Variants in CLNK observed in about 807,000 individuals in gnomAD.
The protein encoded by CLNK is cytokine dependent hematopoietic cell linker.
Under a neutral mutation model 68.6 loss-of-function variants are expected in CLNK, and 74 were observed. The observed-to-expected ratio is 1.08, with a 90% CI of 0.89 to 1.31. CLNK has a LOEUF of 1.31. CLNK is among the 50% of genes most tolerant of loss of function. The pLI is 0.00. For missense variants in CLNK, 553 were observed against 515.3 expected (o/e 1.07, Z -0.71); for synonymous variants, 198 against 172.2 (o/e 1.15, Z -1.17).
rs1577208343 is a variant in CLNK, at chr4:10,667,893, G to A, written c.-24C>T. 2 of 1,366,054 alleles carry A rather than the reference G, an allele frequency of 1.5e-6. No homozygotes were observed. Among genetic ancestry groups the A allele is most frequent in the East Asian group, 7.6e-5 (2 of 26,318 alleles). The allele number at this position is 1,366,054 out of a possible 1,614,324, so 84.6% of individuals were successfully genotyped here. A position where few individuals can be genotyped will look rare whatever the true frequency, so the allele number is the denominator to read the frequency against. ...ATAGTTCTTGGCACCTGGCGGGTAA[G>A]AGGGATCTTCAATTCAGCCTGTGGA... On this transcript the variant is annotated 5_prime_UTR_variant, in exon 2 of 19. Transcript: ENST00000226951.
At chr4:10,606,124 A>G (rs543258137) in intron 2 of CLNK, among the ~76,000 whole-genome samples, 2 of 152,358 alleles carry the variant, frequency 1.3e-5, no homozygotes, top group African/African-American at 2.4e-5. Flanking sequence ...TAAAACAAAA[A>G]CACATTGTAT....
chr4:10,690,551 T>C, the CLNK span, among the ~76,000 whole-genome samples: 3 of 152,206 alleles, frequency 2.0e-5, no homozygotes, highest in African/African-American at 7.2e-5. Flanking sequence ...AAATATCCAT[T>C]AATTACAAAT....
Position 10,513,564 on chromosome 4 carries a change from TGAG to T in CLNK, c.803_805del (p.Pro268del). The T allele has an allele frequency of 6.2e-7, 1 of 1,607,484 alleles. No individual in the cohort carries two copies. Among genetic ancestry groups the T allele is most frequent in the East Asian group, 2.2e-5 (1 of 44,766 alleles). On this transcript the variant is annotated inframe_deletion, in exon 16 of 19. Transcript: ENST00000226951. Reference sequence around the variant, plus strand: ...GCAGCTGGCTGGAGGCTGGCATCTCTGAGGAGAACAGGGCTGCATGCCTCCTCT... The same window carrying T: ...GCAGCTGGCTGGAGGCTGGCATCTCTGAGAACAGGGCTGCATGCCTCCTCT...
At chr4:10,535,227 G>GAAAGAAAGAAAC (rs754430348) in intron 11 of CLNK, among the ~76,000 whole-genome samples, 1 of 81,748 alleles carries the variant, frequency 1.2e-5, no homozygotes, top group African/African-American at 5.0e-5. Context: ...AAGAAAGAAA[G>GAAAGAAAGAAAC]AAAGAAAGAA....
rs947182111 is a variant in CLNK, at chr4:10,575,858, C to T, written c.113-4080G>A. ...GAAGAAATAAACCTTTATTATATTCCACTAACATTTGTAGTTTATTCATTA... is the reference window on the plus strand; with the variant it reads ...GAAGAAATAAACCTTTATTATATTCTACTAACATTTGTAGTTTATTCATTA... On this transcript the variant is annotated intron_variant, in intron 4 of 18. Transcript: ENST00000226951. Among the ~76,000 whole-genome samples, 14 of 152,324 alleles carry T rather than the reference C, an allele frequency of 9.2e-5. No individual in the cohort carries two copies. The East Asian group carries it at 1.9e-3, about 21-fold the overall frequency.
chr4:10,565,617 C>T (rs542156590), intron 6 of CLNK, among the ~76,000 whole-genome samples: 44 of 152,068 alleles, frequency 2.9e-4, no homozygotes, highest in Non-Finnish European at 5.4e-4. Flanking sequence ...CTATGCAGAC[C>T]TCATTTAACA....
intron 1 of CLNK, among the ~76,000 whole-genome samples, chr4:10,668,699 T>A (rs1014502665): frequency 2.6e-5 from 4 of 152,104 alleles, no homozygotes; most frequent in African/African-American, 9.7e-5. Flanking sequence ...GGGGACCAGG[T>A]AGGCACTGGG....
chr4:10,580,673 A>G (rs1720744701), intron 4 of CLNK, among the ~76,000 whole-genome samples: 1 of 152,138 alleles, frequency 6.6e-6, no homozygotes. Flanking sequence ...AATTAAAAAT[A>G]GAAAAAATTC....
chr4:10,507,390 C>A (rs545461437), intron 17 of CLNK, among the ~76,000 whole-genome samples: 2 of 152,058 alleles, frequency 1.3e-5, no homozygotes, highest in East Asian at 3.9e-4. Context: ...GGATTACAGG[C>A]GTGAACTGCC....
intron 4 of CLNK, among the ~76,000 whole-genome samples, chr4:10,580,073 A>G (rs1457197831): frequency 6.6e-6 from 1 of 151,660 alleles, no homozygotes; most frequent in Non-Finnish European, 1.5e-5. Context: ...TAAACTCTCT[A>G]CTGCTTAAAA....
At chr4:10,578,453 A>T (rs1431845199) in intron 4 of CLNK, among the ~76,000 whole-genome samples, 1 of 152,052 alleles carries the variant, frequency 6.6e-6, no homozygotes, top group Admixed American at 6.6e-5. Context: ...CATAAGATTT[A>T]AAAAAATCCT....
chr4:10,507,805 C>G (rs1237535921), intron 17 of CLNK, among the ~76,000 whole-genome samples, 154 bp downstream of exon 17: 1 of 152,124 alleles, frequency 6.6e-6, no homozygotes, highest in Non-Finnish European at 1.5e-5. Context: ...GTTAAATGCC[C>G]TTTTCGACTA....
the CLNK span, among the ~76,000 whole-genome samples, chr4:10,724,243 C>T: frequency 6.6e-6 from 1 of 152,052 alleles, no homozygotes; most frequent in Admixed American, 6.5e-5. Flanking sequence ...TTTCATCTGC[C>T]CAGGATGCTT....
At chr4:10,532,906 CA>C (rs1307050186) in intron 11 of CLNK, among the ~76,000 whole-genome samples, 2 of 152,244 alleles carry the variant, frequency 1.3e-5, no homozygotes, top group South Asian at 4.1e-4. Context: ...TTTTCATCTG[CA>C]AAATGGCAAC....
intron 15 of CLNK, among the ~76,000 whole-genome samples, chr4:10,519,100 G>A (rs1175071924): frequency 6.6e-6 from 1 of 152,112 alleles, no homozygotes; most frequent in African/African-American, 2.4e-5. Context: ...ACGAAAACAG[G>A]AACTAATGAA....
intron 1 of CLNK, among the ~76,000 whole-genome samples, chr4:10,669,413 G>A (rs1049694724): frequency 1.2e-4 from 19 of 152,202 alleles, no homozygotes; most frequent in African/African-American, 3.9e-4. Context: ...TGTCTTGCCA[G>A]GTAAGTCTGG....
chr4:10,537,242 C>T (rs1017179888), intron 11 of CLNK, among the ~76,000 whole-genome samples: 2 of 152,178 alleles, frequency 1.3e-5, no homozygotes, highest in African/African-American at 4.8e-5. Flanking sequence ...CTTTGGGAGG[C>T]CAAGGCGGGT....
intron 15 of CLNK, among the ~76,000 whole-genome samples, chr4:10,517,759 G>C (rs1345271728): frequency 6.6e-6 from 1 of 152,096 alleles, no homozygotes; most frequent in Non-Finnish European, 1.5e-5. Flanking sequence ...GCCTTGCTTG[G>C]ATATTTTAAA....
At chr4:10,598,772 G>A in intron 2 of CLNK, 2 of 366,064 alleles carry the variant, frequency 5.5e-6, no homozygotes, top group Admixed American at 3.2e-5. Flanking sequence ...TCTTTTGCAG[G>A]CATTTCATTA....
Sources: gnomAD v4.1 joint callset for allele counts (sites outside exome capture counted in the v4.1 genomes callset) on GRCh38, gnomAD v4.1.1 for gene constraint, MANE v1.5 for transcripts, NCBI Gene and HGNC (gene_info 2026-07-23, HGNC 2026-07-21) for gene names.